TMEM33: variants seen among roughly 807,000 people sequenced by gnomAD.
TMEM33 encodes the protein transmembrane protein 33.
Under a neutral mutation model 29.7 loss-of-function variants are expected in TMEM33, and 16 were observed. The observed-to-expected ratio is 0.54, with a 90% CI of 0.36 to 0.82. The LOEUF (loss-of-function observed/expected upper bound fraction) is 0.82. Ranked by LOEUF, TMEM33 falls within the 40% of genes least tolerant of loss-of-function variation. The probability of loss-of-function intolerance (pLI) is 0.00; values close to 1 mark genes in which losing one functional copy is unlikely to be tolerated. For missense variants in TMEM33, 252 were observed against 295.3 expected, an observed-to-expected ratio of 0.85 and a Z score of 1.08; for synonymous variants, 112 against 109.4, an observed-to-expected ratio of 1.02 and a Z score of -0.15.
At position 41,945,025 on chromosome 4, in the gene TMEM33, T is replaced by C; in HGVS notation, c.530+99T>C. ...TGTTTAAATCTGTTGAAGGTAGGTA[T>C]TGACATGTAGAGCTAAATGAATCTT... On this transcript the variant is annotated intron_variant, in intron 5 of 6. Coordinates refer to ENST00000504986, the MANE Select transcript of TMEM33 (RefSeq NM_018126.3). 4 of 1,458,448 alleles carry C rather than the reference T, an allele frequency of 2.7e-6. No homozygotes were observed. In the South Asian group the frequency reaches 3.9e-5, roughly 14 times the overall value. The allele number at this position is 1,458,448 out of a possible 1,614,324, so 90.3% of individuals were successfully genotyped here. A position where few individuals can be genotyped will look rare whatever the true frequency, so the allele number is the denominator to read the frequency against.
At chr4:41,947,283 A>G (rs1209454958) in intron 5 of TMEM33, among the ~76,000 whole-genome samples, 1 of 151,802 alleles carries the variant, frequency 6.6e-6, no homozygotes, top group Non-Finnish European at 1.5e-5. Context: ...TTGTATGGGT[A>G]TAATTGATGT....
At chr4:41,948,120 AG>A (rs751112820) in intron 5 of TMEM33, among the ~76,000 whole-genome samples, 15 of 152,184 alleles carry the variant, frequency 9.9e-5, no homozygotes, top group Admixed American at 7.9e-4. Flanking sequence ...TATGTGTGTA[AG>A]GACATAGACG....
Position 41,939,565 on chromosome 4 carries a change from G to A in TMEM33, c.328+182G>A, listed in dbSNP as rs149629486. Among the ~76,000 whole-genome samples the A allele has an allele frequency of 2.6e-5, 4 of 152,328 alleles. No individual in the cohort carries two copies. In the East Asian group the frequency reaches 5.8e-4, roughly 22 times the overall value. On this transcript the variant is annotated intron_variant, in intron 3 of 6. Transcript: ENST00000504986. ...TAAAATGTGAAATCTAAACTTTGAA[G>A]AGCTGATTTAGGAATTTTAAACTAT...
At position 41,935,445 on chromosome 4, in the gene TMEM33, C is replaced by T. The variant is rs552536125; in HGVS notation, c.-40C>T. ...ACGTTTTCTCTCCCCTTTCTTCTCTCTTCGCGGTTGCGGCGTCGCAGACGC... is the reference window on the plus strand; with the variant it reads ...ACGTTTTCTCTCCCCTTTCTTCTCTTTTCGCGGTTGCGGCGTCGCAGACGC... On this transcript the variant is annotated 5_prime_UTR_variant, in exon 1 of 7. Coordinates refer to ENST00000504986, the MANE Select transcript of TMEM33 (RefSeq NM_018126.3). 3 of 1,586,944 alleles carry T rather than the reference C, an allele frequency of 1.9e-6. No individual in the cohort carries two copies. Among genetic ancestry groups the T allele is most frequent in the Non-Finnish European group, 2.6e-6 (3 of 1,166,016 alleles).
rs747774107 is a variant in TMEM33 at position 41,954,132 on chromosome 4, T to G, written c.677T>G (p.Leu226Arg). The change falls in exon 7 of 7, where the codon CTG becomes CGG. Residue 226 changes from leucine to arginine, a missense_variant. Leu to Arg is a moderately radical substitution (Grantham distance 102). Coordinates refer to ENST00000504986, the MANE Select transcript of TMEM33 (RefSeq NM_018126.3). ...EHIIMKPACPLFVRRLCLQSI... is the reference protein window; with the variant it reads ...EHIIMKPACPRFVRRLCLQSI... ...ATAATAATGAAACCTGCTTGCCCACTGTTTGTGAGAAGACTTTGTCTCCAG... is the reference window on the plus strand; with the variant it reads ...ATAATAATGAAACCTGCTTGCCCACGGTTTGTGAGAAGACTTTGTCTCCAG... 2 of 1,613,964 alleles carry G rather than the reference T, an allele frequency of 1.2e-6. No individual in the cohort carries two copies. The highest frequency in any genetic ancestry group is 4.5e-5 in the East Asian group (2 of 44,862).
intron 2 of TMEM33, 33 bp from the exon 3 acceptor site, chr4:41,939,163 T>C: frequency 6.4e-7 from 1 of 1,554,522 alleles, no homozygotes. Flanking sequence ...GTTGTTTATG[T>C]CTCATGATAA....
intron 1 of TMEM33, among the ~76,000 whole-genome samples, chr4:41,936,598 TATAGTCCCAGC>T (rs914455909): frequency 2.0e-5 from 3 of 152,160 alleles, no homozygotes; most frequent in Non-Finnish European, 2.9e-5. Context: ...GGTGCGCTCC[TATAGTCCCAGC>T]ATAGTCCCAG....
rs575294341 is a variant in TMEM33 at position 41,936,187 on chromosome 4, G to A, written c.45+658G>A. On this transcript the variant is annotated intron_variant, in intron 1 of 6. Transcript: ENST00000504986. Reference sequence around the variant, plus strand: ...ATATTACCTAATATAAAATCCATGTGCAAATTTCCATAATTGTCCTTTAAA... The same window carrying A: ...ATATTACCTAATATAAAATCCATGTACAAATTTCCATAATTGTCCTTTAAA... Among the ~76,000 whole-genome samples, 3 of 152,288 alleles carry A rather than the reference G, an allele frequency of 2.0e-5. No individual in the cohort carries two copies. The South Asian group carries it at 6.2e-4, about 32-fold the overall frequency.
intron 6 of TMEM33, among the ~76,000 whole-genome samples, chr4:41,950,981 C>T (rs1460127918): frequency 1.3e-5 from 2 of 152,076 alleles, no homozygotes; most frequent in African/African-American, 2.4e-5. Flanking sequence ...CCATTTTAAC[C>T]AAACCAGTGG....
chr4:41,938,507 A>T, intron 1 of TMEM33, 95 bp from the exon 2 acceptor site: 1 of 1,160,440 alleles, frequency 8.6e-7, no homozygotes, highest in Non-Finnish European at 1.3e-6. Flanking sequence ...GAGGAAGATT[A>T]AAATATTTTG....
chr4:41,935,671 G>A, intron 1 of TMEM33, 142 bp downstream of exon 1: 1 of 846,518 alleles, frequency 1.2e-6, no homozygotes, highest in Non-Finnish European at 1.8e-6. Flanking sequence ...TTGGAGCGGG[G>A]AGAGGGGAGG....
Position 41,935,534 on chromosome 4 carries a change from G to T in TMEM33, c.45+5G>T. On this transcript the variant is annotated splice_donor_5th_base_variant and intron_variant, in intron 1 of 6. Transcript: ENST00000504986. ...CCCCAAGGGGCGGGCGCTGTGGTAAGTGCGAGGGCAGGGTAGTCTGGCTTG... is the reference window on the plus strand; with the variant it reads ...CCCCAAGGGGCGGGCGCTGTGGTAATTGCGAGGGCAGGGTAGTCTGGCTTG... 6.2e-7 allele frequency: 1 copy of T among 1,605,340 alleles called. No homozygotes were observed. Among genetic ancestry groups the T allele is most frequent in the Non-Finnish European group, 8.5e-7 (1 of 1,176,040 alleles).
rs1399661392 is a variant in TMEM33, at chr4:41,955,316, A to G, written c.*1117A>G. ...CTCAACGCATAGATAAATTTAGGGG[A>G]ATTGGATGTATTATTCAACTTTGAT... On this transcript the variant is annotated 3_prime_UTR_variant, in exon 7 of 7. Transcript: ENST00000504986. 6.6e-6 allele frequency: 1 copy of G among 152,460 alleles called. No individual in the cohort carries two copies. The highest frequency in any genetic ancestry group is 2.4e-5 in the African/African-American group (1 of 41,404). 9.4% of individuals were successfully genotyped at this position (152,460 alleles called of 1,614,324 possible).
chr4:41,951,540 T>C (rs972649026), intron 6 of TMEM33, among the ~76,000 whole-genome samples: 6 of 152,226 alleles, frequency 3.9e-5, no homozygotes, highest in Admixed American at 3.9e-4. Flanking sequence ...TTGACTTCAT[T>C]AGTCCTCATG....
chr4:41,951,484 C>T (rs998366620), intron 6 of TMEM33, among the ~76,000 whole-genome samples: 2 of 152,136 alleles, frequency 1.3e-5, no homozygotes, highest in Non-Finnish European at 2.9e-5. Context: ...TCTGTGCCAG[C>T]GATGCAGCCA....
chr4:41,957,290 G>C lies in TMEM33; in HGVS notation c.*3091G>C, dbSNP rs1340804004. ...AGGTTTTTTTTTTTTTTTTTGGAAT[G>C]AAGTTCAGAGGTAGATCCTCCTGGA... is the stretch of plus-strand genomic sequence containing the variant. On this transcript the variant is annotated 3_prime_UTR_variant, in exon 7 of 7. Transcript: ENST00000504986. The C allele has an allele frequency of 1.7e-5, 2 of 115,296 alleles. No individual in the cohort carries two copies. Among genetic ancestry groups the C allele is most frequent in the Admixed American group, 1.0e-4 (1 of 9,908 alleles). 7.1% of individuals were successfully genotyped at this position (115,296 alleles called of 1,614,324 possible). A position where few individuals can be genotyped will look rare whatever the true frequency, so the allele number is the denominator to read the frequency against.
intron 3 of TMEM33, chr4:41,939,855 T>C: frequency 4.4e-6 from 2 of 453,146 alleles, no homozygotes. Flanking sequence ...TACAAAGAAA[T>C]TAATATTTGC....
intron 6 of TMEM33, among the ~76,000 whole-genome samples, chr4:41,949,859 G>A (rs1199293993): frequency 2.0e-5 from 3 of 152,126 alleles, no homozygotes; most frequent in African/African-American, 4.8e-5. Context: ...GATTGTGGGA[G>A]GAGTAAAGCT....
In TMEM33 at chr4:41,935,430, T is replaced by A. The variant is rs1712173173; in HGVS notation, c.-55T>A. On this transcript the variant is annotated 5_prime_UTR_variant, in exon 1 of 7. Transcript: ENST00000504986. The stretch of plus-strand genomic sequence containing the variant: ...CTGGCCCCAGCGCTGACGTTTTCTC[T>A]CCCCTTTCTTCTCTCTTCGCGGTTG... The A allele has an allele frequency of 1.3e-6, 2 of 1,561,046 alleles. No homozygotes were observed. Among genetic ancestry groups the A allele is most frequent in the Admixed American group, 1.9e-5 (1 of 52,664 alleles).
Sources: allele counts gnomAD v4.1 joint callset (sites outside exome capture counted in the v4.1 genomes callset), GRCh38; gene constraint gnomAD v4.1.1; transcripts MANE v1.5; gene names NCBI Gene and HGNC (gene_info 2026-07-23, HGNC 2026-07-21).